Variants in PDZD2 observed in about 807,000 individuals in gnomAD.
PDZD2 encodes the protein PDZ domain containing 2.
In PDZD2, 90 loss-of-function variants were observed where a neutral mutation model predicts 220.7. That is an observed-to-expected ratio of 0.41 (90% CI 0.34 to 0.49). The LOEUF (loss-of-function observed/expected upper bound fraction) is 0.49, where lower values mean the gene tolerates loss of function less well. Among genes scored for constraint, PDZD2 ranks in the 20% least tolerant of loss-of-function variants. The pLI, the probability that PDZD2 is intolerant of heterozygous loss-of-function variation, is 0.28. For missense variants in PDZD2, 3,174 were observed against 3,608.5 expected, an observed-to-expected ratio of 0.88 and a Z score of 3.08; for synonymous variants, 1,375 against 1,450.5, an observed-to-expected ratio of 0.95 and a Z score of 1.18.
chr5:32,079,417 G>A (rs890971750), intron 19 of PDZD2, among the ~76,000 whole-genome samples: 15 of 151,958 alleles, frequency 9.9e-5, no homozygotes, highest in Non-Finnish European at 1.6e-4. Context: ...ACTGTCGGCT[G>A]GTTGTTACTG....
At chr5:32,057,304 G>A (rs184791175) in intron 10 of PDZD2, among the ~76,000 whole-genome samples, 131 of 152,246 alleles carry the variant, frequency 8.6e-4, no homozygotes, top group African/African-American at 3.0e-3. Flanking sequence ...GTGGGTTTAA[G>A]TTTTTAAACA....
intron 10 of PDZD2, 78 bp from the exon 11 acceptor site, chr5:32,057,577 A>G: frequency 1.2e-6 from 1 of 835,830 alleles, no homozygotes; most frequent in Non-Finnish European, 2.0e-6. Context: ...ATGGTATCCC[A>G]AAATAAGTCT....
intron 6 of PDZD2, among the ~76,000 whole-genome samples, chr5:32,025,336 A>G (rs1754552353): frequency 6.6e-6 from 1 of 151,480 alleles, no homozygotes; most frequent in African/African-American, 2.4e-5. Context: ...GACCAGCCTG[A>G]CCAACATGGA....
rs114151064 is a variant in PDZD2 at position 31,776,815 on chromosome 5, G to A, written c.-360-22074G>A. On this transcript the variant is annotated intron_variant, in intron 1 of 24. Transcript: ENST00000438447. ...AGATGCACGCCACCCTACCCTGCTTGGTTAATTTTTTTTTTGTATTCTTGG... is the reference window on the plus strand; with the variant it reads ...AGATGCACGCCACCCTACCCTGCTTAGTTAATTTTTTTTTTGTATTCTTGG... 7.7e-3 allele frequency among the ~76,000 whole-genome samples: 844 copies of A among 109,336 alleles called. 11 individuals carry two copies. The highest frequency in any genetic ancestry group is 0.029 in the African/African-American group (809 of 28,364). 71.7% of individuals were successfully genotyped at this position (109,336 alleles called of 152,430 possible). A position where few individuals can be genotyped will look rare whatever the true frequency, so the allele number is the denominator to read the frequency against.
intron 19 of PDZD2, among the ~76,000 whole-genome samples, chr5:32,085,825 C>G (rs1457774697): frequency 1.3e-5 from 2 of 151,596 alleles, no homozygotes; most frequent in Non-Finnish European, 2.9e-5. Flanking sequence ...ATTCAGAGTC[C>G]TTTGTGGTTC....
At chr5:32,039,241 G>A (rs538348382) in intron 7 of PDZD2, among the ~76,000 whole-genome samples, 3 of 150,106 alleles carry the variant, frequency 2.0e-5, no homozygotes, top group East Asian at 4.3e-4. Flanking sequence ...GAGTGCCTGG[G>A]ATTCCAGGCA....
chr5:32,019,120 T>C (rs1047218996), intron 6 of PDZD2, among the ~76,000 whole-genome samples: 5 of 150,680 alleles, frequency 3.3e-5, no homozygotes, highest in Non-Finnish European at 5.9e-5. Flanking sequence ...AAACAGCTCA[T>C]GTCATTTGCA....
rs1297157993 is a variant in PDZD2 at position 32,090,697 on chromosome 5, T to C, written c.7249T>C (p.Ser2417Pro). The C allele has an allele frequency of 1.2e-6, 2 of 1,613,746 alleles. No homozygotes were observed. Among genetic ancestry groups the C allele is most frequent in the Admixed American group, 3.3e-5 (2 of 59,966 alleles). Residue 2417 changes from serine to proline, a missense_variant, in exon 20 of 25, where the codon TCT (serine) becomes CCT (proline). Transcript: ENST00000438447. This position sits in a 1 kb window ranked among gnomAD's most constrained non-coding sequence, Gnocchi z 4.3. ...CACCCTCCTGCCCCAGATGGCCAAG[T>C]CTCCCTCAATCATGACACTGACCAT... ...AGTLLPQMAK[S>P]PSIMTLTISR...
Position 32,073,886 on chromosome 5 carries a change from A to G in PDZD2, c.2780A>G (p.His927Arg). The G allele has an allele frequency of 2.5e-6, 4 of 1,614,128 alleles. No individual in the cohort carries two copies. The highest frequency in any genetic ancestry group is 3.4e-6 in the Non-Finnish European group (4 of 1,179,996). Residue 927 changes from histidine (H) to arginine (R), a missense_variant, in exon 18 of 25, where the codon CAT becomes CGT. Physicochemically the swap from His to Arg is conservative, Grantham distance 29. Transcript: ENST00000438447. ...RANSLVTLGSHRASGLFHKQV... is the reference protein window; with the variant it reads ...RANSLVTLGSRRASGLFHKQV... ...AACAGCCTCGTGACTCTTGGGAGCCATCGGGCTTCTGGGCTCTTCCACAAG... is the reference window on the plus strand; with the variant it reads ...AACAGCCTCGTGACTCTTGGGAGCCGTCGGGCTTCTGGGCTCTTCCACAAG...
intron 19 of PDZD2, among the ~76,000 whole-genome samples, chr5:32,078,396 C>G (rs1428500664): frequency 1.3e-5 from 2 of 152,072 alleles, no homozygotes; most frequent in East Asian, 3.9e-4. Context: ...CTTTGGGAAG[C>G]TGAGGCAAGT....
intron 1 of PDZD2, among the ~76,000 whole-genome samples, chr5:31,671,666 G>C (rs1018377406): frequency 6.6e-6 from 1 of 152,204 alleles, no homozygotes; most frequent in Non-Finnish European, 1.5e-5. Flanking sequence ...CTGAGCCTGA[G>C]TTTCCTGATG....
At chr5:31,761,088 T>A (rs998488795) in intron 1 of PDZD2, among the ~76,000 whole-genome samples, 2 of 152,094 alleles carry the variant, frequency 1.3e-5, no homozygotes, top group African/African-American at 4.8e-5. Context: ...ACGGGAGTGG[T>A]GCTGTGTAAG....
At chr5:32,041,720 C>T (rs2112253955) in intron 7 of PDZD2, among the ~76,000 whole-genome samples, 1 of 152,038 alleles carries the variant, frequency 6.6e-6, no homozygotes. Flanking sequence ...GCCACAGGGA[C>T]CTCTGCCTAG....
At chr5:31,730,147 C>G (rs1453180070) in intron 1 of PDZD2, among the ~76,000 whole-genome samples, 15 of 152,278 alleles carry the variant, frequency 9.9e-5, no homozygotes, top group Admixed American at 7.2e-4. Context: ...TTATTAATAA[C>G]TATTTGCTGT....
chr5:32,000,270 A>G lies in PDZD2; in HGVS notation c.1253A>G (p.Lys418Arg). The G allele has an allele frequency of 1.2e-6, 2 of 1,614,090 alleles. No homozygotes were observed. The highest frequency in any genetic ancestry group is 1.7e-6 in the Non-Finnish European group (2 of 1,179,994). ...ATGGTGCAGCTTGTGGTGGCCAGCA[A>G]GGTAGGTCGTGTTTGTTTTTTGGTA... Reference protein sequence around the residue: ...TGMVQLVVASKENSAEDLLRL... With the variant: ...TGMVQLVVASRENSAEDLLRL... Residue 418 changes from lysine to arginine, a missense_variant and splice_region_variant, in exon 5 of 25, where the codon AAG (lysine) becomes AGG (arginine). Lys to Arg is a conservative substitution (Grantham distance 26, BLOSUM62 2). This residue lies in a region of PDZD2 where 632 missense variants were observed against 708.1 expected (regional missense o/e 0.89). Coordinates refer to ENST00000438447, the MANE Select transcript of PDZD2 (RefSeq NM_178140.4). This position sits in a 1 kb window ranked among gnomAD's most constrained non-coding sequence, Gnocchi z 4.5.
At chr5:32,022,648 G>A (rs1754314427) in intron 6 of PDZD2, among the ~76,000 whole-genome samples, 1 of 152,024 alleles carries the variant, frequency 6.6e-6, no homozygotes, top group African/African-American at 2.4e-5. Flanking sequence ...CTATTCCATA[G>A]GACTTCCACA....
chr5:31,818,820 ATTT>A (rs1443487297), intron 2 of PDZD2, among the ~76,000 whole-genome samples: 1 of 152,132 alleles, frequency 6.6e-6, no homozygotes, highest in African/African-American at 2.4e-5. Flanking sequence ...CATTAATTTA[ATTT>A]TTTTATGTTA....
At chr5:31,847,810 T>C in intron 2 of PDZD2, 1 of 568,340 alleles carries the variant, frequency 1.8e-6, no homozygotes, top group South Asian at 1.4e-5. Context: ...ATTCCCTGGT[T>C]ATGATTCTGA....
intron 1 of PDZD2, among the ~76,000 whole-genome samples, chr5:31,780,460 A>G (rs2150208808): frequency 6.6e-6 from 1 of 152,302 alleles, no homozygotes; most frequent in African/African-American, 2.4e-5. Context: ...TTGATATTTC[A>G]TCAACGAACA....
Sources: gnomAD v4.1 joint callset for allele counts (sites outside exome capture counted in the v4.1 genomes callset) on GRCh38, gnomAD v4.1.1 for gene constraint, gnomAD v4.1.1 regional missense constraint, Gnocchi (gnomAD v3.1) non-coding constraint, MANE v1.5 for transcripts, NCBI Gene and HGNC (gene_info 2026-07-23, HGNC 2026-07-21) for gene names.